GRIK2: variants seen among roughly 807,000 people sequenced by gnomAD.
GRIK2 encodes glutamate ionotropic receptor kainate type subunit 2, also known as glutamate receptor ionotropic, kainate 2.
GRIK2 carries 32 observed loss-of-function variants against 100.3 expected under a neutral mutation model. That is an observed-to-expected ratio of 0.32 (90% CI 0.24 to 0.43). GRIK2 has a LOEUF of 0.43. GRIK2 is among the 20% of genes least tolerant of loss of function. GRIK2 has a pLI of 1.00. For synonymous variants in GRIK2, 417 were observed against 389.4 expected, an observed-to-expected ratio of 1.07 and a Z score of -0.83; for missense variants, 843 against 1,114.9, an observed-to-expected ratio of 0.76 and a Z score of 3.47.
intron 2 of GRIK2, among the ~76,000 whole-genome samples, chr6:101,428,990 A>G (rs894320975): frequency 3.3e-5 from 5 of 152,218 alleles, no homozygotes; most frequent in African/African-American, 1.2e-4. Flanking sequence ...GAAAAATTCA[A>G]TGACTTTTTA....
At chr6:101,501,142 A>G (rs1321661943) in intron 2 of GRIK2, among the ~76,000 whole-genome samples, 3 of 152,004 alleles carry the variant, frequency 2.0e-5, no homozygotes, top group African/African-American at 2.4e-5. Context: ...CAACAAAATA[A>G]GTATCTGAGG....
At chr6:101,793,381 T>G (rs1780034933) in intron 7 of GRIK2, among the ~76,000 whole-genome samples, 1 of 152,078 alleles carries the variant, frequency 6.6e-6, no homozygotes, top group Non-Finnish European at 1.5e-5. Flanking sequence ...TACAGATGGG[T>G]TTTGGTGTGG....
At chr6:101,515,907 G>T (rs1044958661) in intron 2 of GRIK2, among the ~76,000 whole-genome samples, 2 of 152,134 alleles carry the variant, frequency 1.3e-5, no homozygotes, top group Non-Finnish European at 2.9e-5. Flanking sequence ...CCATGCAAAA[G>T]CTCTTTAGTT....
chr6:101,408,792 C>T (rs1181210927), intron 2 of GRIK2, among the ~76,000 whole-genome samples: 1 of 152,000 alleles, frequency 6.6e-6, no homozygotes, highest in African/African-American at 2.4e-5. Context: ...CACAGACACA[C>T]CCAAATTGTT....
Position 101,882,016 on chromosome 6 carries a change from G to T in GRIK2, c.1525-7624G>T, listed in dbSNP as rs1191287952. ...AGTCATGGGGGAAGGCAAAAGGCAT[G>T]TCTCACATGGTGGCAGACAAGAGAG... On this transcript the variant is annotated intron_variant, in intron 11 of 16. Transcript: ENST00000369134. Among the ~76,000 whole-genome samples the T allele has an allele frequency of 2.0e-5, 3 of 152,062 alleles. No individual in the cohort carries two copies. In the East Asian group the frequency reaches 5.8e-4, roughly 29 times the overall value.
chr6:101,549,474 T>TTG (rs1776407134), intron 2 of GRIK2, among the ~76,000 whole-genome samples: 1 of 152,050 alleles, frequency 6.6e-6, no homozygotes, highest in Non-Finnish European at 1.5e-5. Flanking sequence ...CAAGATGACA[T>TTG]TGTGTGTCTC....
chr6:101,773,578 C>A (rs1458010317), intron 7 of GRIK2, among the ~76,000 whole-genome samples: 2 of 151,412 alleles, frequency 1.3e-5, no homozygotes, highest in African/African-American at 2.4e-5. Flanking sequence ...GAAATCAATT[C>A]TTATTTAAAA....
At chr6:101,786,745 G>A (rs767536599) in intron 7 of GRIK2, among the ~76,000 whole-genome samples, 2 of 151,926 alleles carry the variant, frequency 1.3e-5, no homozygotes, top group Non-Finnish European at 2.9e-5. Context: ...GTTTGCCTGT[G>A]AACATAGATA....
chr6:101,668,080 C>G (rs1471148642), intron 4 of GRIK2, among the ~76,000 whole-genome samples: 1 of 152,132 alleles, frequency 6.6e-6, no homozygotes, highest in Non-Finnish European at 1.5e-5. Flanking sequence ...AAGGCAATAT[C>G]TCTGTAAAAT....
At chr6:101,635,631 T>C (rs1446703986) in intron 4 of GRIK2, among the ~76,000 whole-genome samples, 5 of 152,044 alleles carry the variant, frequency 3.3e-5, no homozygotes, top group Non-Finnish European at 7.4e-5. Context: ...ATATCCAGAA[T>C]CTACAAGGAG....
intron 2 of GRIK2, among the ~76,000 whole-genome samples, chr6:101,616,440 T>A (rs547127828): frequency 1.3e-5 from 2 of 151,918 alleles, no homozygotes; most frequent in Middle Eastern, 3.4e-3. Context: ...TAAGGGCATA[T>A]TATAACTACT....
At chr6:101,919,906 C>T (rs1213703775) in intron 12 of GRIK2, among the ~76,000 whole-genome samples, 1 of 151,812 alleles carries the variant, frequency 6.6e-6, no homozygotes, top group South Asian at 2.1e-4. Context: ...GGAGAATAAT[C>T]ATTTTAGATG....
chr6:101,804,959 C>G (rs145415172), intron 9 of GRIK2, among the ~76,000 whole-genome samples: 2 of 152,008 alleles, frequency 1.3e-5, no homozygotes, highest in African/African-American at 4.8e-5. Flanking sequence ...GTTTACAGCT[C>G]AAGGTCTAGA....
intron 2 of GRIK2, among the ~76,000 whole-genome samples, chr6:101,475,846 C>T (rs143470594): frequency 1.0e-3 from 154 of 151,930 alleles, no homozygotes; most frequent in African/African-American, 3.6e-3. Context: ...CTAAAACATA[C>T]AAAAATTTTA....
intron 9 of GRIK2, among the ~76,000 whole-genome samples, chr6:101,807,520 G>T (rs1314998336): frequency 1.3e-5 from 2 of 151,954 alleles, no homozygotes; most frequent in Non-Finnish European, 2.9e-5. Context: ...TTCATCACTT[G>T]CATTAAACAG....
At chr6:101,674,776 A>G (rs1770704554) in intron 4 of GRIK2, among the ~76,000 whole-genome samples, 1 of 152,194 alleles carries the variant, frequency 6.6e-6, no homozygotes, top group African/African-American at 2.4e-5. Context: ...TGCAGCTGTT[A>G]TGTGTAGAAG....
At chr6:101,650,174 T>C (rs1168541860) in intron 4 of GRIK2, among the ~76,000 whole-genome samples, 1 of 152,110 alleles carries the variant, frequency 6.6e-6, no homozygotes, top group Admixed American at 6.6e-5. Flanking sequence ...TTTCTGACCA[T>C]AACTAAAGTG....
intron 14 of GRIK2, among the ~76,000 whole-genome samples, chr6:102,005,705 CA>C (rs1562104652): frequency 6.6e-6 from 1 of 152,064 alleles, no homozygotes; most frequent in Non-Finnish European, 1.5e-5. Context: ...CGCCAAACCT[CA>C]AACGTAATCA....
At position 101,859,383 on chromosome 6, in the gene GRIK2, A is replaced by G. The variant is rs1784611960; in HGVS notation, c.1414A>G (p.Thr472Ala). 4 of 1,601,854 alleles carry G rather than the reference A, an allele frequency of 2.5e-6. No individual in the cohort carries two copies. The East Asian group carries it at 6.7e-5, about 27-fold the overall frequency. The part of the protein sequence containing the change: ...YCIDLLRELS[T>A]ILGFTYEIRL... ...CATTGATCTCCTCAGAGAGTTATCT[A>G]CAATCCTTGGCTTTACATATGAAAT... Residue 472 changes from threonine to alanine, a missense_variant, in exon 11 of 17, where the codon ACA becomes GCA. By Grantham distance (58) the Thr-to-Ala change is moderately conservative. Transcript: ENST00000369134.
Sources: allele counts gnomAD v4.1 joint callset (sites outside exome capture counted in the v4.1 genomes callset), GRCh38; gene constraint gnomAD v4.1.1; transcripts MANE v1.5; gene names NCBI Gene and HGNC (gene_info 2026-07-23, HGNC 2026-07-21).